CRISPLD2: variants seen among roughly 807,000 people sequenced by gnomAD.
CRISPLD2 encodes cysteine rich secretory protein LCCL domain containing 2.
Under a neutral mutation model 71.1 loss-of-function variants are expected in CRISPLD2, and 47 were observed. That is an observed-to-expected ratio of 0.66 (90% CI 0.52 to 0.84). The LOEUF (loss-of-function observed/expected upper bound fraction) is 0.84, where lower values mean the gene tolerates loss of function less well. Ranked by LOEUF, CRISPLD2 falls within the 40% of genes least tolerant of loss-of-function variation. The pLI, the probability that CRISPLD2 is intolerant of heterozygous loss-of-function variation, is 0.00. For missense variants in CRISPLD2, 830 were observed against 651.1 expected (o/e 1.27, Z -2.99); for synonymous variants, 317 against 250.1 (o/e 1.27, Z -2.52).
At chr16:84,898,273 T>G (rs1443216873) in intron 14 of CRISPLD2, among the ~76,000 whole-genome samples, 1 of 152,198 alleles carries the variant, frequency 6.6e-6, no homozygotes, top group Non-Finnish European at 1.5e-5. Context: ...CATCCTTTCC[T>G]GTGTAAGGCT....
chr16:84,878,239 T>C (rs894611181), intron 12 of CRISPLD2, among the ~76,000 whole-genome samples: 1 of 151,874 alleles, frequency 6.6e-6, no homozygotes, highest in Non-Finnish European at 1.5e-5. Context: ...AAGAAAAAAG[T>C]ACACAATGTG....
chr16:84,855,116 C>T (rs1038933709), intron 6 of CRISPLD2, among the ~76,000 whole-genome samples: 5 of 152,066 alleles, frequency 3.3e-5, no homozygotes, highest in African/African-American at 9.7e-5. Flanking sequence ...TAAATGCAGA[C>T]GCACTGCTCA....
rs114735481 is a variant in CRISPLD2, at chr16:84,837,090, G to A, written c.-74-1332G>A. 6.3e-3 allele frequency among the ~76,000 whole-genome samples: 960 copies of A among 152,320 alleles called. 10 individuals carry two copies. The highest frequency in any genetic ancestry group is 0.022 in the African/African-American group (933 of 41,560). On this transcript the variant is annotated intron_variant, in intron 1 of 14. Transcript: ENST00000262424. ...CTCGGAGTCCAGCACAAAATAAGGC[G>A]CTTGATGGAGGTGACTGGGTGGCCC... is the stretch of plus-strand genomic sequence containing the variant.
chr16:84,827,140 C>A (rs539837928), intron 1 of CRISPLD2, among the ~76,000 whole-genome samples: 2 of 150,786 alleles, frequency 1.3e-5, no homozygotes, highest in Non-Finnish European at 3.0e-5. Context: ...TGCCCCCGCA[C>A]CCCCCAAGGT....
At chr16:84,854,954 C>G (rs973360550) in intron 6 of CRISPLD2, 125 bp downstream of exon 6, 4 of 737,838 alleles carry the variant, frequency 5.4e-6, no homozygotes, top group African/African-American at 5.2e-5. Context: ...TTAAGACGCT[C>G]TCAGCACATT....
chr16:84,823,355 A>G (rs1303059475), intron 1 of CRISPLD2, among the ~76,000 whole-genome samples: 2 of 152,168 alleles, frequency 1.3e-5, no homozygotes, highest in African/African-American at 4.8e-5. Context: ...GGATGTTTTC[A>G]TATCTCTTGA....
chr16:84,862,589 G>A (rs1005778589), intron 6 of CRISPLD2, among the ~76,000 whole-genome samples: 2 of 151,236 alleles, frequency 1.3e-5, no homozygotes, highest in African/African-American at 4.9e-5. Flanking sequence ...CATGTCTTGG[G>A]ATATTTCCTC....
chr16:84,900,788 G>T (rs2071746626), intron 14 of CRISPLD2, among the ~76,000 whole-genome samples: 1 of 152,070 alleles, frequency 6.6e-6, no homozygotes, highest in South Asian at 2.1e-4. Context: ...TCAATGGCTC[G>T]CGCTTATAAT....
At chr16:84,903,520 A>G (rs1442414473) in intron 14 of CRISPLD2, among the ~76,000 whole-genome samples, 3 of 149,642 alleles carry the variant, frequency 2.0e-5, no homozygotes, top group African/African-American at 7.4e-5. Context: ...TGAACCTGGG[A>G]GGCGGCGGTT....
chr16:84,893,434 C>G (rs1055819835), intron 14 of CRISPLD2, among the ~76,000 whole-genome samples: 1 of 152,190 alleles, frequency 6.6e-6, no homozygotes, highest in African/African-American at 2.4e-5. Flanking sequence ...TCCAGGAATT[C>G]ATTCTTTCAT....
intron 6 of CRISPLD2, among the ~76,000 whole-genome samples, 200 bp downstream of exon 6, chr16:84,855,029 G>A (rs1917199241): frequency 6.6e-6 from 1 of 152,156 alleles, no homozygotes; most frequent in African/African-American, 2.4e-5. Context: ...CAGGCCCCTG[G>A]AGAGCCCCAC....
chr16:84,866,425 G>T (rs942603082), intron 6 of CRISPLD2, among the ~76,000 whole-genome samples: 6 of 152,026 alleles, frequency 3.9e-5, no homozygotes, highest in African/African-American at 1.4e-4. Context: ...TAGTAGAGAC[G>T]GGGTTTCGCC....
intron 1 of CRISPLD2, among the ~76,000 whole-genome samples, chr16:84,836,750 A>G (rs1377274105): frequency 6.6e-6 from 1 of 150,852 alleles, no homozygotes; most frequent in Non-Finnish European, 1.5e-5. Context: ...GAGGATGCCC[A>G]CCTTGCACTG....
chr16:84,872,625 G>C (rs2071481230), intron 9 of CRISPLD2, 117 bp downstream of exon 9: 17 of 920,026 alleles, frequency 1.8e-5, no homozygotes, highest in South Asian at 4.6e-5. Flanking sequence ...GTCAAACCTG[G>C]CATTTCTAGA....
At chr16:84,872,361 C>G (rs1040799855) in intron 8 of CRISPLD2, 81 bp from the exon 9 acceptor site, 3 of 1,149,468 alleles carry the variant, frequency 2.6e-6, no homozygotes, top group African/African-American at 3.1e-5. Context: ...ATAGAGCCAT[C>G]GATGAAAAAA....
chr16:84,862,923 A>C (rs1917427283), intron 6 of CRISPLD2: 1 of 152,252 alleles, frequency 6.6e-6, no homozygotes, highest in Non-Finnish European at 1.5e-5. Flanking sequence ...GGACATCCTA[A>C]GTGGGGATGG....
chr16:84,882,858 A>G (rs1747044254), intron 13 of CRISPLD2, among the ~76,000 whole-genome samples: 1 of 152,252 alleles, frequency 6.6e-6, no homozygotes, highest in East Asian at 1.9e-4. Flanking sequence ...CAAAGGTGAC[A>G]AACAGGTGAA....
At chr16:84,871,312 T>G (rs959050531) in intron 8 of CRISPLD2, among the ~76,000 whole-genome samples, 4 of 152,034 alleles carry the variant, frequency 2.6e-5, no homozygotes, top group African/African-American at 9.7e-5. Flanking sequence ...CCTCAGCACC[T>G]TGGGAGGTCA....
chr16:84,841,842 A>G (rs1916779881), intron 2 of CRISPLD2, among the ~76,000 whole-genome samples: 1 of 152,158 alleles, frequency 6.6e-6, no homozygotes, highest in Non-Finnish European at 1.5e-5. Context: ...TGATCCACCC[A>G]CTTCAGCCTC....
Sources: gnomAD v4.1 joint callset for allele counts (sites outside exome capture counted in the v4.1 genomes callset) on GRCh38, gnomAD v4.1.1 for gene constraint, MANE v1.5 for transcripts, NCBI Gene and HGNC (gene_info 2026-07-23, HGNC 2026-07-21) for gene names.